HECW1: variants seen among roughly 807,000 people sequenced by gnomAD.
HECW1 encodes the protein E3 ubiquitin-protein ligase HECW1.
A neutral mutation model predicts 182.3 loss-of-function variants in HECW1; 61 were observed. That is an observed-to-expected ratio of 0.33 (90% CI 0.27 to 0.41). The LOEUF (loss-of-function observed/expected upper bound fraction) is 0.41, where lower values mean the gene tolerates loss of function less well. Among genes scored for constraint, HECW1 ranks in the 10% least tolerant of loss-of-function variants. The pLI, the probability that HECW1 is intolerant of heterozygous loss-of-function variation, is 1.00. For missense variants in HECW1, 1,739 were observed against 2,108.9 expected (o/e 0.82, Z 3.44); for synonymous variants, 859 against 832.6 (o/e 1.03, Z -0.55).
At chr7:43,448,082 C>T (rs2077118236) in intron 11 of HECW1, among the ~76,000 whole-genome samples, 1 of 151,988 alleles carries the variant, frequency 6.6e-6, no homozygotes, top group East Asian at 1.9e-4. Context: ...TTGCAGTGAG[C>T]TGAGATCGTG....
At chr7:43,222,256 GGGTTTTTTTTGCTCTGAA>G (rs1797046710) in intron 2 of HECW1, among the ~76,000 whole-genome samples, 1 of 152,084 alleles carries the variant, frequency 6.6e-6, no homozygotes, top group Non-Finnish European at 1.5e-5. Flanking sequence ...CAGAGAACCT[GGGTTTTTTTTGCTCTGAA>G]AATAAGAAGC....
At chr7:43,174,544 C>G (rs984029780) in intron 2 of HECW1, among the ~76,000 whole-genome samples, 107 of 152,286 alleles carry the variant, frequency 7.0e-4, no homozygotes, top group Middle Eastern at 3.4e-3. Context: ...TGGACTAGCC[C>G]CTGAGCGAGG....
intron 5 of HECW1, among the ~76,000 whole-genome samples, chr7:43,327,257 C>T (rs1473350097): frequency 6.6e-6 from 1 of 152,148 alleles, no homozygotes; most frequent in Non-Finnish European, 1.5e-5. Context: ...AAAAGTATGA[C>T]TCCATATACA....
intron 3 of HECW1, among the ~76,000 whole-genome samples, chr7:43,283,517 C>G (rs1804203297): frequency 6.6e-6 from 1 of 151,930 alleles, no homozygotes; most frequent in South Asian, 2.1e-4. Context: ...CTCAAATGAA[C>G]CAATATAAAT....
chr7:43,509,363 C>A, intron 24 of HECW1: 1 of 422,258 alleles, frequency 2.4e-6, no homozygotes, highest in African/African-American at 2.0e-5. Flanking sequence ...GAATAATTGC[C>A]TACTGAGAAG....
chr7:43,453,914 T>C (rs1326335590), intron 12 of HECW1, among the ~76,000 whole-genome samples: 2 of 152,218 alleles, frequency 1.3e-5, no homozygotes, highest in African/African-American at 4.8e-5. Context: ...AGTAAATTCT[T>C]TACAAAGCAA....
chr7:43,333,199 A>C (rs925502090), intron 5 of HECW1, among the ~76,000 whole-genome samples: 18 of 152,372 alleles, frequency 1.2e-4, no homozygotes, highest in African/African-American at 3.8e-4. Context: ...GCATCAGAGA[A>C]TACAGACATC....
intron 5 of HECW1, among the ~76,000 whole-genome samples, chr7:43,323,780 C>G (rs2152783632): frequency 6.6e-6 from 1 of 152,102 alleles, no homozygotes; most frequent in South Asian, 2.1e-4. Flanking sequence ...ATAATCCCAG[C>G]ACTTTGGGAG....
intron 21 of HECW1, among the ~76,000 whole-genome samples, chr7:43,502,457 G>A (rs10276071): frequency 6.6e-6 from 1 of 152,066 alleles, no homozygotes; most frequent in East Asian, 1.9e-4. Context: ...AAGAGTTCGA[G>A]ACCAGCCTGG....
chr7:43,504,231 G>C (rs1406289066), intron 21 of HECW1, among the ~76,000 whole-genome samples: 1 of 152,154 alleles, frequency 6.6e-6, no homozygotes, highest in Non-Finnish European at 1.5e-5. Flanking sequence ...TCTAGACTTT[G>C]TCTGCAATGA....
rs772019891 is a variant in HECW1 at position 43,456,462 on chromosome 7, T to C, written c.2651+15T>C. 2 of 1,609,956 alleles carry C rather than the reference T, an allele frequency of 1.2e-6. No individual in the cohort carries two copies. Among genetic ancestry groups the C allele is most frequent in the Non-Finnish European group, 8.5e-7 (1 of 1,177,046 alleles). On this transcript the variant is annotated intron_variant, in intron 13 of 29. Coordinates refer to ENST00000395891, the MANE Select transcript of HECW1 (RefSeq NM_015052.5). ...CTCAACAGGCGGTTGGTGATCAGTATGCAATGAGCTCCCCTAAACCACAGT... is the reference window on the plus strand; with the variant it reads ...CTCAACAGGCGGTTGGTGATCAGTACGCAATGAGCTCCCCTAAACCACAGT...
Position 43,448,711 on chromosome 7 carries a change from C to T in HECW1, c.2399-2117C>T, listed in dbSNP as rs112710575. Reference sequence around the variant, plus strand: ...TACTTTATAATTCAAGGGAAATTTTCACATTATTAGGTATAAATCACTTTG... The same window carrying T: ...TACTTTATAATTCAAGGGAAATTTTTACATTATTAGGTATAAATCACTTTG... On this transcript the variant is annotated intron_variant, in intron 11 of 29. Transcript: ENST00000395891. Among the ~76,000 whole-genome samples the T allele has an allele frequency of 7.8e-3, 1,192 of 152,298 alleles. 10 individuals carry two copies. Among genetic ancestry groups the T allele is most frequent in the African/African-American group, 0.027 (1,127 of 41,548 alleles).
chr7:43,120,176 C>A (rs984836938), intron 2 of HECW1, among the ~76,000 whole-genome samples: 4 of 152,104 alleles, frequency 2.6e-5, no homozygotes, highest in African/African-American at 7.2e-5. Context: ...ACAGGGCTTG[C>A]CTTGCCACTC....
rs143354766 is a variant in HECW1 at position 43,362,433 on chromosome 7, G to A, written c.555+1453G>A. Among the ~76,000 whole-genome samples the A allele has an allele frequency of 7.2e-5, 11 of 152,282 alleles. No homozygotes were observed. The East Asian group carries it at 9.7e-4, about 13-fold the overall frequency. On this transcript the variant is annotated intron_variant, in intron 6 of 29. Coordinates refer to ENST00000395891, the MANE Select transcript of HECW1 (RefSeq NM_015052.5). ...AGGGAGAGGCACATGTGCTTTTGAC[G>A]GCTTCGCTGTTTTTCCCTCACTGGC...
At chr7:43,326,910 G>C (rs906240912) in intron 5 of HECW1, among the ~76,000 whole-genome samples, 1 of 152,222 alleles carries the variant, frequency 6.6e-6, no homozygotes, top group African/African-American at 2.4e-5. Flanking sequence ...TGGGACCAGA[G>C]GCACCAGCAC....
intron 12 of HECW1, among the ~76,000 whole-genome samples, chr7:43,454,052 T>C (rs1230609372): frequency 2.0e-5 from 3 of 152,242 alleles, no homozygotes; most frequent in Non-Finnish European, 2.9e-5. Context: ...CTGTTTGGCT[T>C]ACTACACTTT....
chr7:43,360,803 C>T (rs1217253407), intron 5 of HECW1, 83 bp from the exon 6 acceptor site: 4 of 999,258 alleles, frequency 4.0e-6, no homozygotes, highest in Non-Finnish European at 6.4e-6. Flanking sequence ...TGTTGCAGTT[C>T]TTAGAGATGT....
At chr7:43,406,788 G>A (rs1269583655) in intron 7 of HECW1, among the ~76,000 whole-genome samples, 3 of 151,998 alleles carry the variant, frequency 2.0e-5, no homozygotes, top group Admixed American at 1.3e-4. Context: ...CATGGTGATA[G>A]GCACTTGTAA....
chr7:43,555,053 T>C (rs1435317163), intron 29 of HECW1, among the ~76,000 whole-genome samples: 1 of 152,194 alleles, frequency 6.6e-6, no homozygotes, highest in East Asian at 1.9e-4. Flanking sequence ...GATGCTGTCA[T>C]AGCCCAACTT....
Sources: allele counts gnomAD v4.1 joint callset (sites outside exome capture counted in the v4.1 genomes callset), GRCh38; gene constraint gnomAD v4.1.1; transcripts MANE v1.5; gene names NCBI Gene and HGNC (gene_info 2026-07-23, HGNC 2026-07-21).